TRIM10: variants seen among roughly 807,000 people sequenced by gnomAD.
The protein encoded by TRIM10 is tripartite motif-containing protein 10.
A neutral mutation model predicts 40.0 loss-of-function variants in TRIM10; 42 were observed. That is an observed-to-expected ratio of 1.05 (90% CI 0.82 to 1.36). The LOEUF (loss-of-function observed/expected upper bound fraction) is 1.36, where lower values mean the gene tolerates loss of function less well. Among genes scored for constraint, TRIM10 ranks in the 40% most tolerant of loss-of-function variants. TRIM10 has a pLI of 0.00. For synonymous variants in TRIM10, 260 were observed against 239.5 expected, an observed-to-expected ratio of 1.09 and a Z score of -0.79; for missense variants, 601 against 608.3, an observed-to-expected ratio of 0.99 and a Z score of 0.13.
rs768087823 is a variant in TRIM10 at position 30,153,609 on chromosome 6, G to T, written c.*360C>A. 1 of 1,165,524 alleles carries T rather than the reference G, an allele frequency of 8.6e-7. No homozygotes were observed. The highest frequency in any genetic ancestry group is 1.3e-6 in the Non-Finnish European group (1 of 795,914). 72.2% of individuals were successfully genotyped at this position (1,165,524 alleles called of 1,614,324 possible). On this transcript the variant is annotated 3_prime_UTR_variant, in exon 7 of 7. Coordinates refer to ENST00000449742, the MANE Select transcript of TRIM10 (RefSeq NM_006778.4). ...AAAACAAGATGAAAAGAGGTGAGAT[G>T]CCTTGTTTAAAGTCATACAACTGGT...
chr6:30,162,160 C>T (rs1247617693), upstream of TRIM10, among the ~76,000 whole-genome samples: 2 of 151,634 alleles, frequency 1.3e-5, no homozygotes, highest in African/African-American at 4.8e-5. Context: ...CCTGTAGTCC[C>T]AGCTACTCGG....
intron 2 of TRIM10, 103 bp from the exon 3 acceptor site, chr6:30,158,732 T>C (rs538429585): frequency 2.1e-6 from 2 of 942,476 alleles, no homozygotes; most frequent in Admixed American, 2.0e-5. Context: ...TGTGTCATGG[T>C]TTCCTTTTCA....
rs1208946529 is a variant in TRIM10 at position 30,160,632 on chromosome 6, G to A, written c.227C>T (p.Ala76Val). ...PGSFRPNWQLANVVENIERLQ... is the reference protein window; with the variant it reads ...PGSFRPNWQLVNVVENIERLQ... ...GCGCTCAATGTTCTCCACCACGTTAGCCAGCTGCCAGTTGGGCCGGAAGCT... is the reference window on the plus strand; with the variant it reads ...GCGCTCAATGTTCTCCACCACGTTAACCAGCTGCCAGTTGGGCCGGAAGCT... The change falls in exon 1 of 7, where the codon GCT (alanine) becomes GTT (valine). Residue 76 changes from alanine (A) to valine (V), a missense_variant. Ala to Val is a moderately conservative substitution (Grantham distance 64). Coordinates refer to ENST00000449742, the MANE Select transcript of TRIM10 (RefSeq NM_006778.4). The A allele has an allele frequency of 6.2e-7, 1 of 1,614,242 alleles. No homozygotes were observed. Among genetic ancestry groups the A allele is most frequent in the Admixed American group, 1.7e-5 (1 of 60,034 alleles).
rs745992253 is a variant in TRIM10, at chr6:30,160,478, G to C, written c.381C>G (p.His127Gln). The C allele has an allele frequency of 1.9e-6, 3 of 1,613,998 alleles. No individual in the cohort carries two copies. The African/African-American group carries it at 4.0e-5, about 22-fold the overall frequency. Reference sequence around the variant, plus strand: ...CCAGGAAGCGCATGGTGTGGGTAGCGTGCTCCCCAGCCTCCCGGCACACCA... The same window carrying C: ...CCAGGAAGCGCATGGTGTGGGTAGCCTGCTCCCCAGCCTCCCGGCACACCA... ...LCVVCREAGE[H>Q]ATHTMRFLED... Residue 127 changes from histidine (H) to glutamine (Q), a missense_variant, in exon 1 of 7, where the codon CAC becomes CAG. Physicochemically the swap from His to Gln is conservative, Grantham distance 24 (BLOSUM62 0). Coordinates refer to ENST00000449742, the MANE Select transcript of TRIM10 (RefSeq NM_006778.4).
At chr6:30,163,650 G>A (rs1016817092), upstream of TRIM10, 2 of 1,568,380 alleles carry the variant, frequency 1.3e-6, no homozygotes, top group Non-Finnish European at 1.7e-6. Context: ...GTGGGCTGAG[G>A]AGACCGGAGT....
upstream of TRIM10, among the ~76,000 whole-genome samples, chr6:30,162,050 C>A (rs1011181238): frequency 2.8e-5 from 3 of 107,532 alleles, no homozygotes; most frequent in Admixed American, 9.2e-5. Flanking sequence ...CCTAGGCGGG[C>A]GGATCACGAG....
At chr6:30,160,383 T>TAGTCC in intron 1 of TRIM10, 47 bp downstream of exon 1, 1 of 1,572,782 alleles carries the variant, frequency 6.4e-7, no homozygotes, top group Non-Finnish European at 8.6e-7. Context: ...CTGTTTCTCT[T>TAGTCC]AGTCCAGTCC....
At position 30,157,368 on chromosome 6, in the gene TRIM10, C is replaced by T. The variant is rs774278180; in HGVS notation, c.779+1G>A. ...GAAAAGAGAGAAACTATATTGCTTA[C>T]CTTATTAGAGTGCTTCTGATGTCCT... is the stretch of plus-strand genomic sequence containing the variant. On this transcript the variant is annotated splice_donor_variant, in intron 4 of 6. Transcript: ENST00000449742. LOFTEE classifies it high-confidence loss of function. 1.2e-6 allele frequency: 2 copies of T among 1,601,108 alleles called. No individual in the cohort carries two copies. The highest frequency in any genetic ancestry group is 1.7e-6 in the Non-Finnish European group (2 of 1,175,584).
chr6:30,163,259 TCA>T, upstream of TRIM10: 1 of 190,836 alleles, frequency 5.2e-6, no homozygotes. Context: ...TCCCACCTGC[TCA>T]ATCTGACAGG....
In TRIM10 at chr6:30,161,044, A is replaced by G. The variant is rs534565703; in HGVS notation, c.-186T>C. On this transcript the variant is annotated 5_prime_UTR_variant, in exon 1 of 7. Transcript: ENST00000449742. Reference sequence around the variant, plus strand: ...GCAGCCAGGGTTCTATTCTCCTGCCAACAGCAGAGATGGGAAATAGCAGAG... The same window carrying G: ...GCAGCCAGGGTTCTATTCTCCTGCCGACAGCAGAGATGGGAAATAGCAGAG... The G allele has an allele frequency of 2.1e-5, 13 of 629,042 alleles. No homozygotes were observed. The Admixed American group carries it at 3.3e-4, about 16-fold the overall frequency. 39.0% of individuals were successfully genotyped at this position (629,042 alleles called of 1,614,324 possible). A position where few individuals can be genotyped will look rare whatever the true frequency, so the allele number is the denominator to read the frequency against.
chr6:30,153,913 G>C lies in TRIM10; in HGVS notation c.*56C>G. 2 of 1,578,018 alleles carry C rather than the reference G, an allele frequency of 1.3e-6. No individual in the cohort carries two copies. The highest frequency in any genetic ancestry group is 1.7e-6 in the Non-Finnish European group (2 of 1,159,566). On this transcript the variant is annotated 3_prime_UTR_variant, in exon 7 of 7. Transcript: ENST00000449742. ...ATTCAGCCAGGGATCAAGTCCACAT[G>C]GTACTTGGGTTGATATGAGTCCTGT...
At chr6:30,161,954 A>G (rs571192434), upstream of TRIM10, among the ~76,000 whole-genome samples, 6 of 152,356 alleles carry the variant, frequency 3.9e-5, no homozygotes, top group East Asian at 1.2e-3. Flanking sequence ...GATATTTTAC[A>G]TTTTTAAATT....
At chr6:30,156,639 A>G (rs561583819) in intron 5 of TRIM10, 15 of 431,092 alleles carry the variant, frequency 3.5e-5, no homozygotes, top group Non-Finnish European at 5.1e-5. Context: ...TAACTTATTA[A>G]GAATGATATA....
chr6:30,163,631 G>C, upstream of TRIM10: 2 of 1,531,166 alleles, frequency 1.3e-6, no homozygotes, highest in Non-Finnish European at 8.8e-7. Context: ...TCAGGGAAAG[G>C]GAACTCGCGT....
At position 30,157,056 on chromosome 6, in the gene TRIM10, T is replaced by C. The variant is rs773908753; in HGVS notation, c.780-2A>G. 1 of 1,612,702 alleles carries C rather than the reference T, an allele frequency of 6.2e-7. No homozygotes were observed. The highest frequency in any genetic ancestry group is 1.7e-5 in the Admixed American group (1 of 59,996). ...TTCCGGCACTTTCTGGTTTCACATC[T>C]AGGGGCACAGAAATGGCTGGGTCTG... On this transcript the variant is annotated splice_acceptor_variant, in intron 4 of 6. Coordinates refer to ENST00000449742, the MANE Select transcript of TRIM10 (RefSeq NM_006778.4). LOFTEE classifies it high-confidence loss of function.
At chr6:30,163,819 G>C (rs773450878), upstream of TRIM10, 2 of 1,613,044 alleles carry the variant, frequency 1.2e-6, no homozygotes, top group South Asian at 2.2e-5. Context: ...CGCTCTCCCA[G>C]ATGGGGGCCC....
chr6:30,158,081 T>C, intron 3 of TRIM10, among the ~76,000 whole-genome samples: 1 of 152,310 alleles, frequency 6.6e-6, no homozygotes. Context: ...GGTTTGCAAC[T>C]TACTTAATAC....
chr6:30,158,605 G>C lies in TRIM10; in HGVS notation c.550C>G (p.Gln184Glu), dbSNP rs1023830974. Residue 184 changes from glutamine (Q) to glutamate (E), a missense_variant, in exon 3 of 7, where the codon CAG becomes GAG. Gln to Glu is a conservative substitution (Grantham distance 29). Transcript: ENST00000449742. ...LLTQVSTKRQ[Q>E]VISEFAHLRK... ...AGGTGTGCGAACTCAGAAATCACCTGTTGTCTCTTGGTGGACACCTGAGTC... is the reference window on the plus strand; with the variant it reads ...AGGTGTGCGAACTCAGAAATCACCTCTTGTCTCTTGGTGGACACCTGAGTC... 3.7e-6 allele frequency: 6 copies of C among 1,613,052 alleles called. No homozygotes were observed. The highest frequency in any genetic ancestry group is 5.1e-6 in the Non-Finnish European group (6 of 1,180,036).
rs199723735 is a variant in TRIM10 at position 30,160,842 on chromosome 6, G to A, written c.17C>T (p.Ser6Phe). 1 of 1,610,146 alleles carries A rather than the reference G, an allele frequency of 6.2e-7. No homozygotes were observed. Among genetic ancestry groups the A allele is most frequent in the East Asian group, 2.2e-5 (1 of 44,854 alleles). Residue 6 changes from serine (S) to phenylalanine (F), a missense_variant, in exon 1 of 7, where the codon TCT (serine) becomes TTT (phenylalanine). Coordinates refer to ENST00000449742, the MANE Select transcript of TRIM10 (RefSeq NM_006778.4). MASAASVTSLADEVNC... is the reference protein window; with the variant it reads MASAAFVTSLADEVNC... The stretch of plus-strand genomic sequence containing the variant: ...GACTTCATCTGCCAGGCTGGTCACA[G>A]AGGCAGCAGAGGCCATGCTGGTCCT...
Sources: gnomAD v4.1 joint callset for allele counts (sites outside exome capture counted in the v4.1 genomes callset) on GRCh38, gnomAD v4.1.1 for gene constraint, MANE v1.5 for transcripts, NCBI Gene and HGNC (gene_info 2026-07-23, HGNC 2026-07-21) for gene names.